The following SCNN1A variants were observed in gnomAD, a reference collection of about 807,000 sequenced individuals.
SCNN1A encodes the protein sodium channel epithelial 1 subunit alpha.
Under a neutral mutation model 68.6 loss-of-function variants are expected in SCNN1A, and 65 were observed. The observed-to-expected ratio is 0.95, with a 90% CI of 0.78 to 1.16. The LOEUF (loss-of-function observed/expected upper bound fraction) is 1.16, where lower values mean the gene tolerates loss of function less well. Among genes scored for constraint, SCNN1A ranks in the 50% most tolerant of loss-of-function variants. The probability of loss-of-function intolerance (pLI) is 0.00; values close to 1 mark genes in which losing one functional copy is unlikely to be tolerated. For missense variants in SCNN1A, 880 were observed against 865.9 expected, an observed-to-expected ratio of 1.02 and a Z score of -0.20; for synonymous variants, 357 against 353.3, an observed-to-expected ratio of 1.01 and a Z score of -0.12.
In SCNN1A at chr12:6,347,796, T is replaced by A; in HGVS notation, c.*77A>T. 7.8e-7 allele frequency: 1 copy of A among 1,285,642 alleles called. No homozygotes were observed. The highest frequency in any genetic ancestry group is 1.3e-5 in the South Asian group (1 of 79,634). The allele number at this position is 1,285,642 out of a possible 1,614,324, so 79.6% of individuals were successfully genotyped here. A position where few individuals can be genotyped will look rare whatever the true frequency, so the allele number is the denominator to read the frequency against. On this transcript the variant is annotated 3_prime_UTR_variant, in exon 13 of 13. Coordinates refer to ENST00000228916, the MANE Select transcript of SCNN1A (RefSeq NM_001038.6). ...CGGCTCTGAGAGGAAGCCCTGCACATCCTTCAATCTTGCCAGGGCCAGCAC... is the reference window on the plus strand; with the variant it reads ...CGGCTCTGAGAGGAAGCCCTGCACAACCTTCAATCTTGCCAGGGCCAGCAC...
chr12:6,353,922 C>A, intron 8 of SCNN1A: 2 of 155,344 alleles, frequency 1.3e-5, no homozygotes, highest in Non-Finnish European at 1.4e-5. Flanking sequence ...AATTCCTTGA[C>A]AAACACACAA....
intron 4 of SCNN1A, among the ~76,000 whole-genome samples, chr12:6,358,776 T>C (rs1468403028): frequency 2.0e-5 from 3 of 150,992 alleles, no homozygotes; most frequent in Non-Finnish European, 4.4e-5. Flanking sequence ...AGGAGGATCG[T>C]TTCAGCCCAG....
rs534158738 is a variant in SCNN1A at position 6,355,366 on chromosome 12, C to A, written c.1049G>T (p.Arg350Leu). The A allele has an allele frequency of 6.2e-7, 1 of 1,613,966 alleles. No homozygotes were observed. Among genetic ancestry groups the A allele is most frequent in the Non-Finnish European group, 8.5e-7 (1 of 1,179,952 alleles). The change falls in exon 6 of 13, where the codon CGG becomes CTG. Residue 350 changes from arginine (R) to leucine (L), a missense_variant. Transcript: ENST00000228916. ...IPLLSTVTGA[R>L]VMVHGQDEPA... ...TTCATCCTGCCCGTGCACCATTACC[C>A]GGGCCCCAGTCACTGTGGACAGCAG...
chr12:6,365,945 T>TC (rs1470252116), intron 2 of SCNN1A, among the ~76,000 whole-genome samples: 3 of 152,062 alleles, frequency 2.0e-5, no homozygotes, highest in Non-Finnish European at 4.4e-5. Context: ...AAGCTCCGCC[T>TC]CCGGGTTCAC....
chr12:6,375,587 A>G (rs1251194789), upstream of SCNN1A: 1 of 1,402,618 alleles, frequency 7.1e-7, no homozygotes, highest in Middle Eastern at 1.9e-4. Context: ...TTAGCATCTC[A>G]ATTAAAGGTG....
chr12:6,363,791 G>A, intron 2 of SCNN1A, 81 bp from the exon 3 acceptor site: 1 of 1,378,054 alleles, frequency 7.3e-7, no homozygotes, highest in Non-Finnish European at 9.7e-7. Context: ...GTCCTCATCT[G>A]TGCCCCGGGA....
Position 6,348,173 on chromosome 12 carries a change from A to T in SCNN1A, c.1710T>A (p.Ala570=). The change falls in exon 13 of 13, where the codon GCT becomes GCA. Residue 570 remains alanine (A), a synonymous_variant. Coordinates refer to ENST00000228916, the MANE Select transcript of SCNN1A (RefSeq NM_001038.6). ...TGACCAGCAGGTCAAAGACGAGCTC[A>T]GCCATCTCCACCACAGACAACACCG... The part of the protein sequence containing the change: ...GSSVLSVVEM[A]ELVFDLLVIM... 6.2e-7 allele frequency: 1 copy of T among 1,614,174 alleles called. No homozygotes were observed. Among genetic ancestry groups the T allele is most frequent in the Non-Finnish European group, 8.5e-7 (1 of 1,180,034 alleles).
intron 5 of SCNN1A, 57 bp from the exon 6 acceptor site, chr12:6,355,492 G>C (rs1948481357): frequency 1.3e-6 from 2 of 1,584,692 alleles, no homozygotes; most frequent in Non-Finnish European, 1.7e-6. Context: ...AAAGAGTTAG[G>C]AGATGGAAAT....
upstream of SCNN1A, chr12:6,375,634 C>A: frequency 6.7e-7 from 1 of 1,490,380 alleles, no homozygotes. Flanking sequence ...GGAGTCAGAG[C>A]CGGGAGTTTT....
Position 6,375,161 on chromosome 12 carries a change from T to C in SCNN1A, c.-54-324A>G, listed in dbSNP as rs1042813697. 27 of 1,460,670 alleles carry C rather than the reference T, an allele frequency of 1.8e-5. No homozygotes were observed. The African/African-American group carries it at 3.4e-4, about 18-fold the overall frequency. 90.5% of individuals were successfully genotyped at this position (1,460,670 alleles called of 1,614,324 possible). On this transcript the variant is annotated intron_variant, in intron 1 of 12. Coordinates refer to ENST00000228916, the MANE Select transcript of SCNN1A (RefSeq NM_001038.6). ...CTGTCTCTGCCCCCTTCCTTTGGTC[T>C]TCTTCCTCCAGGATCTGTGTCTCAG...
Position 6,355,859 on chromosome 12 carries a change from G to A in SCNN1A, c.897C>T (p.His299=), listed in dbSNP as rs766747041. 1.9e-6 allele frequency: 3 copies of A among 1,611,038 alleles called. No homozygotes were observed. Among genetic ancestry groups the A allele is most frequent in the Non-Finnish European group, 2.5e-6 (3 of 1,177,122 alleles). ...CNQANYSHFH[H]PMYGNCYTFN... is the part of the protein sequence containing the mutation. ...AAGTATAGCAGTTTCCATACATCGG[G>A]TGGTGGAAGTGAGAGTAATTCCTTA... The change falls in exon 5 of 13, where the codon CAC becomes CAT. Residue 299 remains histidine (H), a synonymous_variant. Coordinates refer to ENST00000228916, the MANE Select transcript of SCNN1A (RefSeq NM_001038.6).
At chr12:6,348,623 C>G in intron 12 of SCNN1A, 104 bp downstream of exon 12, 1 of 1,056,468 alleles carries the variant, frequency 9.5e-7, no homozygotes, top group South Asian at 1.3e-5. Flanking sequence ...CTTTGAGACT[C>G]AGAGCCTTCT....
intron 2 of SCNN1A, among the ~76,000 whole-genome samples, chr12:6,365,437 C>T (rs570402635): frequency 2.0e-4 from 31 of 152,324 alleles, no homozygotes; most frequent in African/African-American, 4.1e-4. Context: ...AAAATGTATT[C>T]CTCCTGACTT....
chr12:6,354,986 C>A (rs1263004903), intron 6 of SCNN1A, 138 bp from the exon 7 acceptor site: 1 of 805,712 alleles, frequency 1.2e-6, no homozygotes, highest in Non-Finnish European at 2.1e-6. Context: ...ATGCTTCCAG[C>A]CACCCCCATG....
upstream of SCNN1A, chr12:6,377,213 G>A (rs191480979): frequency 3.8e-4 from 585 of 1,530,974 alleles, 3 homozygotes; most frequent in East Asian, 0.012. Flanking sequence ...AGTGAAAGCC[G>A]GTGTCAACCA....
chr12:6,347,762 C>T lies in SCNN1A; in HGVS notation c.*111G>A. On this transcript the variant is annotated 3_prime_UTR_variant, in exon 13 of 13. Coordinates refer to ENST00000228916, the MANE Select transcript of SCNN1A (RefSeq NM_001038.6). ...TTGCTTCCCCTCCACACATCAACGG[C>T]AGTTTGGGCGGCTCTGAGAGGAAGC... is the stretch of plus-strand genomic sequence containing the variant. 1.1e-6 allele frequency: 1 copy of T among 912,560 alleles called. No homozygotes were observed. The allele number at this position is 912,560 out of a possible 1,614,324, so 56.5% of individuals were successfully genotyped here. A position where few individuals can be genotyped will look rare whatever the true frequency, so the allele number is the denominator to read the frequency against.
chr12:6,374,741 G>C lies in SCNN1A; in HGVS notation c.43C>G (p.Gln15Glu). 1 of 1,614,172 alleles carries C rather than the reference G, an allele frequency of 6.2e-7. No homozygotes were observed. The highest frequency in any genetic ancestry group is 8.5e-7 in the Non-Finnish European group (1 of 1,180,036). Residue 15 changes from glutamine (Q) to glutamate (E), a missense_variant, in exon 2 of 13, where the codon CAG (glutamine) becomes GAG (glutamate). Gln to Glu is a conservative substitution (Grantham distance 29). Coordinates refer to ENST00000228916, the MANE Select transcript of SCNN1A (RefSeq NM_001038.6). This position sits in a 1 kb window ranked among gnomAD's most constrained non-coding sequence, Gnocchi z 6.2. ...KLEEQDSSPPQSTPGLMKGNK... is the reference protein window; with the variant it reads ...KLEEQDSSPPESTPGLMKGNK... ...CCCTTCATGAGCCCTGGAGTGGACT[G>C]TGGAGGGCTAGAGTCCTGCTCCTCC...
chr12:6,349,319 A>T lies in SCNN1A; in HGVS notation c.1439+8T>A. 2 of 1,613,676 alleles carry T rather than the reference A, an allele frequency of 1.2e-6. No homozygotes were observed. Among genetic ancestry groups the T allele is most frequent in the Non-Finnish European group, 1.7e-6 (2 of 1,179,768 alleles). ...ACCCAACCTGTACCCGGGGAAGGGG[A>T]CACTAACCTGCATGGCTTCCGGCAC... On this transcript the variant is annotated splice_region_variant and intron_variant, in intron 9 of 12. Coordinates refer to ENST00000228916, the MANE Select transcript of SCNN1A (RefSeq NM_001038.6).
In SCNN1A at chr12:6,349,066, G is replaced by A. The variant is rs1011461952; in HGVS notation, c.1498-61C>T. On this transcript the variant is annotated intron_variant, in intron 10 of 12. Coordinates refer to ENST00000228916, the MANE Select transcript of SCNN1A (RefSeq NM_001038.6). ...CATATGCTTCAGGCTTACAGGGATA[G>A]GGTTGTGTCAAACACACTCATACAC... is the stretch of plus-strand genomic sequence containing the variant. 9 of 1,606,092 alleles carry A rather than the reference G, an allele frequency of 5.6e-6. No homozygotes were observed. The African/African-American group carries it at 1.2e-4, about 21-fold the overall frequency.
Sources: gnomAD v4.1 joint callset for allele counts (sites outside exome capture counted in the v4.1 genomes callset) on GRCh38, gnomAD v4.1.1 for gene constraint, Gnocchi (gnomAD v3.1) non-coding constraint, MANE v1.5 for transcripts, NCBI Gene and HGNC (gene_info 2026-07-23, HGNC 2026-07-21) for gene names.